Variants in CMIP observed in about 807,000 individuals in gnomAD.
CMIP encodes c-Maf inducing protein.
CMIP carries 13 observed loss-of-function variants against 97.3 expected under a neutral mutation model. That is an observed-to-expected ratio of 0.13 (90% CI 0.09 to 0.21). The LOEUF is 0.21. CMIP is among the 10% of genes least tolerant of loss of function. The pLI, the probability that CMIP is intolerant of heterozygous loss-of-function variation, is 1.00. For synonymous variants in CMIP, 538 were observed against 436.3 expected, an observed-to-expected ratio of 1.23 and a Z score of -2.91; for missense variants, 847 against 1,024.9, an observed-to-expected ratio of 0.83 and a Z score of 2.37.
rs527855458 is a variant in CMIP, at chr16:81,614,163, C to T, written c.426+6471C>T. Among the ~76,000 whole-genome samples, 13 of 152,218 alleles carry T rather than the reference C, an allele frequency of 8.5e-5. No individual in the cohort carries two copies. In the South Asian group the frequency reaches 2.5e-3, roughly 29 times the overall value. ...GAAGTGTAAGTAGGAGTCCAGCGGG[C>T]AGCGGAGAGAAGGGGGTGACAGCAG... On this transcript the variant is annotated intron_variant, in intron 2 of 20. Coordinates refer to ENST00000537098, the MANE Select transcript of CMIP (RefSeq NM_198390.3). The surrounding 1 kb of genome is among the most constrained non-coding windows in gnomAD (Gnocchi z 5.3).
intron 6 of CMIP, 71 bp downstream of exon 6, chr16:81,661,017 G>T: frequency 6.3e-7 from 1 of 1,597,224 alleles, no homozygotes; most frequent in East Asian, 2.2e-5. Context: ...CAGGGATTGG[G>T]TTTGCACAGA....
chr16:81,576,772 G>A lies in CMIP; in HGVS notation c.301-30795G>A, dbSNP rs577631964. On this transcript the variant is annotated intron_variant, in intron 1 of 20. Transcript: ENST00000537098. The stretch of plus-strand genomic sequence containing the variant: ...ATCCAGGTGTGAGTCCCACTCCCAT[G>A]ACTTTCTAGCTGTGTAGCTTTGAGA... Among the ~76,000 whole-genome samples, 7 of 152,294 alleles carry A rather than the reference G, an allele frequency of 4.6e-5. No individual in the cohort carries two copies. In the South Asian group the frequency reaches 1.0e-3, roughly 23 times the overall value.
intron 3 of CMIP, among the ~76,000 whole-genome samples, chr16:81,647,023 A>G (rs888977881): frequency 6.6e-6 from 1 of 152,142 alleles, no homozygotes; most frequent in Non-Finnish European, 1.5e-5. Flanking sequence ...GTTTTAAGAA[A>G]CTTTCAAACA....
intron 3 of CMIP, among the ~76,000 whole-genome samples, chr16:81,629,441 T>C (rs987733489): frequency 2.3e-4 from 35 of 152,216 alleles, no homozygotes; most frequent in Admixed American, 1.3e-4. Flanking sequence ...GGCTCCTGGC[T>C]GGGCCTGTCC....
At chr16:81,560,692 TA>T (rs2090865491) in intron 1 of CMIP, among the ~76,000 whole-genome samples, 1 of 152,200 alleles carries the variant, frequency 6.6e-6, no homozygotes, top group Admixed American at 6.5e-5. Flanking sequence ...TCTGTACAGG[TA>T]AATCGTTTTT....
In CMIP at chr16:81,453,693, C is replaced by T. The variant is rs1236660580; in HGVS notation, c.300+8152C>T. ...CTGCCGTAACACGCAGCCCTGGCAT[C>T]TGGGTGGCTTCATGCAGCCCAGTTC... On this transcript the variant is annotated intron_variant, in intron 1 of 20. Coordinates refer to ENST00000537098, the MANE Select transcript of CMIP (RefSeq NM_198390.3). The surrounding 1 kb of genome is among the most constrained non-coding windows in gnomAD (Gnocchi z 4.0). 6.6e-6 allele frequency among the ~76,000 whole-genome samples: 1 copy of T among 152,234 alleles called. No individual in the cohort carries two copies. Among genetic ancestry groups the T allele is most frequent in the African/African-American group, 2.4e-5 (1 of 41,460 alleles).
chr16:81,617,107 C>T (rs1171935585), intron 2 of CMIP: 1 of 152,338 alleles, frequency 6.6e-6, no homozygotes, highest in Non-Finnish European at 1.5e-5. Context: ...TGTGGAAATG[C>T]TGGTTCCTTC....
rs1908218540 is a variant in CMIP, at chr16:81,706,954, C to A, written c.2198-60C>A. On this transcript the variant is annotated intron_variant, in intron 19 of 20. Transcript: ENST00000537098. Reference sequence around the variant, plus strand: ...ATTGAGCTCCTCCAGCTTGGCCATCCCATACCTTCATACCTTTGGGGCCTC... The same window carrying A: ...ATTGAGCTCCTCCAGCTTGGCCATCACATACCTTCATACCTTTGGGGCCTC... 11 of 1,489,262 alleles carry A rather than the reference C, an allele frequency of 7.4e-6. No individual in the cohort carries two copies. The South Asian group carries it at 1.1e-4, about 16-fold the overall frequency. The allele number at this position is 1,489,262 out of a possible 1,614,324, so 92.3% of individuals were successfully genotyped here. A position where few individuals can be genotyped will look rare whatever the true frequency, so the allele number is the denominator to read the frequency against.
At chr16:81,687,568 G>T (rs930427503) in intron 10 of CMIP, among the ~76,000 whole-genome samples, 1 of 152,162 alleles carries the variant, frequency 6.6e-6, no homozygotes, top group African/African-American at 2.4e-5. Context: ...AGCACCTGAG[G>T]TCAGATCTCA....
chr16:81,521,124 T>C (rs2090017711), intron 1 of CMIP, among the ~76,000 whole-genome samples: 1 of 152,246 alleles, frequency 6.6e-6, no homozygotes, highest in Non-Finnish European at 1.5e-5. Flanking sequence ...GGAGGGCTTT[T>C]ATACCAAAAA....
At position 81,586,369 on chromosome 16, in the gene CMIP, G is replaced by C. The variant is rs150005877; in HGVS notation, c.301-21198G>C. Among the ~76,000 whole-genome samples the C allele has an allele frequency of 1.3e-4, 20 of 152,256 alleles. No individual in the cohort carries two copies. The South Asian group carries it at 3.5e-3, about 27-fold the overall frequency. On this transcript the variant is annotated intron_variant, in intron 1 of 20. Coordinates refer to ENST00000537098, the MANE Select transcript of CMIP (RefSeq NM_198390.3). Reference sequence around the variant, plus strand: ...TGGGTGCTATTATCATCGAAACAGCGATAGTAGAAAGAGATAGTCGTTCAC... The same window carrying C: ...TGGGTGCTATTATCATCGAAACAGCCATAGTAGAAAGAGATAGTCGTTCAC...
intron 1 of CMIP, among the ~76,000 whole-genome samples, chr16:81,537,889 A>T (rs2090375828): frequency 6.6e-6 from 1 of 151,698 alleles, no homozygotes; most frequent in African/African-American, 2.4e-5. Flanking sequence ...GGGTCAGCTG[A>T]AGGTGTCGGG....
chr16:81,498,548 G>C (rs1322223854), intron 1 of CMIP, among the ~76,000 whole-genome samples: 1 of 152,196 alleles, frequency 6.6e-6, no homozygotes, highest in African/African-American at 2.4e-5. Flanking sequence ...ACTCTGAGAG[G>C]GTCCTTCCAC....
chr16:81,548,318 G>A (rs1288323782), intron 1 of CMIP, among the ~76,000 whole-genome samples: 1 of 152,002 alleles, frequency 6.6e-6, no homozygotes, highest in Non-Finnish European at 1.5e-5. Flanking sequence ...AGTTTTTGTA[G>A]AGATGGGGTC....
chr16:81,525,220 C>A (rs1029450421), intron 1 of CMIP, among the ~76,000 whole-genome samples: 1 of 152,078 alleles, frequency 6.6e-6, no homozygotes, highest in South Asian at 2.1e-4. Context: ...CTCGGCTCCC[C>A]ACAACCACCA....
rs2092083185 is a variant in CMIP at position 81,627,096 on chromosome 16, T to C, written c.477+6170T>C. 6.9e-6 allele frequency among the ~76,000 whole-genome samples: 1 copy of C among 145,092 alleles called. No individual in the cohort carries two copies. Among genetic ancestry groups the C allele is most frequent in the African/African-American group, 2.6e-5 (1 of 38,726 alleles). On this transcript the variant is annotated intron_variant, in intron 3 of 20. Coordinates refer to ENST00000537098, the MANE Select transcript of CMIP (RefSeq NM_198390.3). The surrounding 1 kb of genome is among the most constrained non-coding windows in gnomAD (Gnocchi z 4.6). The stretch of plus-strand genomic sequence containing the variant: ...TTTGTGTATGTGTGGTGTGTGGGGG[T>C]GACTGTGAGAGTGTGTGTGTGGTGT...
rs375947777 is a variant in CMIP at position 81,678,326 on chromosome 16, G to C, written c.1086G>C (p.Pro362=). The change falls in exon 10 of 21, where the codon CCG becomes CCC. Residue 362 remains proline (P), a synonymous_variant. Coordinates refer to ENST00000537098, the MANE Select transcript of CMIP (RefSeq NM_198390.3). ...LKEIRNGCQQ[P]CDRKPTLPLR... ...AAATCCGGAACGGCTGCCAGCAGCCGTGCGACCGGAAGCCCACTTTACCTC... is the reference window on the plus strand; with the variant it reads ...AAATCCGGAACGGCTGCCAGCAGCCCTGCGACCGGAAGCCCACTTTACCTC... 9.5e-5 allele frequency: 153 copies of C among 1,610,230 alleles called. No homozygotes were observed. The highest frequency in any genetic ancestry group is 1.3e-4 in the Non-Finnish European group (150 of 1,177,940).
At chr16:81,620,310 A>C (rs2091976063) in intron 2 of CMIP, 1 of 152,892 alleles carries the variant, frequency 6.5e-6, no homozygotes, top group Non-Finnish European at 1.5e-5. Flanking sequence ...GGTCATGGTT[A>C]AATGCCCAGA....
At chr16:81,538,132 G>A (rs1295645383) in intron 1 of CMIP, among the ~76,000 whole-genome samples, 2 of 152,224 alleles carry the variant, frequency 1.3e-5, no homozygotes, top group Non-Finnish European at 2.9e-5. Context: ...ATTCTTAGAT[G>A]GGGGAACTGA....
Sources: allele counts gnomAD v4.1 joint callset (sites outside exome capture counted in the v4.1 genomes callset), GRCh38; gene constraint gnomAD v4.1.1; non-coding constraint Gnocchi (gnomAD v3.1); transcripts MANE v1.5; gene names NCBI Gene and HGNC (gene_info 2026-07-23, HGNC 2026-07-21).